Variants in KCNIP1 observed in about 807,000 individuals in gnomAD.
KCNIP1 encodes potassium voltage-gated channel interacting protein 1.
KCNIP1 carries 18 observed loss-of-function variants against 33.0 expected under a neutral mutation model. The observed-to-expected ratio is 0.55, with a 90% confidence interval of 0.38 to 0.81. KCNIP1 has a LOEUF of 0.81. Among genes scored for constraint, KCNIP1 ranks in the 30% least tolerant of loss-of-function variants. The pLI, the probability that KCNIP1 is intolerant of heterozygous loss-of-function variation, is 0.00. For synonymous variants in KCNIP1, 93 were observed against 98.3 expected, an observed-to-expected ratio of 0.95 and a Z score of 0.32; for missense variants, 238 against 271.6, an observed-to-expected ratio of 0.88 and a Z score of 0.87.
intron 1 of KCNIP1, among the ~76,000 whole-genome samples, chr5:170,593,897 G>A (rs1056754474): frequency 1.3e-5 from 2 of 152,176 alleles, no homozygotes; most frequent in African/African-American, 4.8e-5. Context: ...TGCCTGAGGT[G>A]GTGGGAAGAA....
intron 1 of KCNIP1, among the ~76,000 whole-genome samples, chr5:170,684,816 G>T (rs965470926): frequency 5.3e-5 from 8 of 151,940 alleles, no homozygotes; most frequent in Admixed American, 1.3e-4. Context: ...CTTCATATTT[G>T]GTTGGCTATT....
chr5:170,669,765 C>A, intron 1 of KCNIP1: 2 of 531,038 alleles, frequency 3.8e-6, no homozygotes, highest in Non-Finnish European at 4.8e-6. Context: ...AAAGAGCACA[C>A]ATTTTGAGAA....
intron 1 of KCNIP1, among the ~76,000 whole-genome samples, chr5:170,654,374 A>G (rs930285786): frequency 7.9e-5 from 12 of 152,196 alleles, no homozygotes; most frequent in African/African-American, 2.4e-4. Flanking sequence ...CATTCTAGTC[A>G]TGTCCACAAA....
At chr5:170,559,033 G>C (rs1444705261) in intron 1 of KCNIP1, among the ~76,000 whole-genome samples, 2 of 152,144 alleles carry the variant, frequency 1.3e-5, no homozygotes, top group Non-Finnish European at 2.9e-5. Context: ...GTATTTCTTA[G>C]TCAGTTCTAC....
At chr5:170,485,129 G>A (rs1385183590) in intron 1 of KCNIP1, among the ~76,000 whole-genome samples, 3 of 151,904 alleles carry the variant, frequency 2.0e-5, no homozygotes, top group Admixed American at 6.6e-5. Flanking sequence ...TAGTAGAGAC[G>A]GGATTTCTCC....
chr5:170,631,966 C>T (rs1188823623), intron 1 of KCNIP1, among the ~76,000 whole-genome samples: 1 of 152,326 alleles, frequency 6.6e-6, no homozygotes, highest in Non-Finnish European at 1.5e-5. Flanking sequence ...AGGGGTGGAC[C>T]TCCCCTTCCC....
chr5:170,523,214 C>T (rs1202064470), intron 1 of KCNIP1, among the ~76,000 whole-genome samples: 1 of 152,188 alleles, frequency 6.6e-6, no homozygotes, highest in Non-Finnish European at 1.5e-5. Flanking sequence ...GACAGGTGCC[C>T]AAGGTAGAGT....
At chr5:170,467,204 T>C (rs1248925838) in intron 1 of KCNIP1, among the ~76,000 whole-genome samples, 1 of 152,010 alleles carries the variant, frequency 6.6e-6, no homozygotes, top group Non-Finnish European at 1.5e-5. Flanking sequence ...GAGTCAGAGG[T>C]AGACAGGAAA....
intron 1 of KCNIP1, among the ~76,000 whole-genome samples, chr5:170,443,517 T>G (rs1276869994): frequency 1.3e-5 from 2 of 152,188 alleles, no homozygotes; most frequent in African/African-American, 2.4e-5. Context: ...ACAGGTAGAA[T>G]GATTATTTCT....
At chr5:170,721,749 T>G (rs1763831753) in intron 3 of KCNIP1, 84 bp from the exon 4 acceptor site, 2 of 1,614,022 alleles carry the variant, frequency 1.2e-6, no homozygotes, top group Non-Finnish European at 1.7e-6. Context: ...CCTCTCTTTC[T>G]TGTCGAAGCC....
chr5:170,431,200 G>A (rs1043620592), intron 1 of KCNIP1, among the ~76,000 whole-genome samples: 2 of 152,254 alleles, frequency 1.3e-5, no homozygotes, highest in African/African-American at 4.8e-5. Flanking sequence ...AAGCTAGGCT[G>A]GCGGAGGAGC....
chr5:170,501,959 C>A (rs1034679101), upstream of KCNIP1, among the ~76,000 whole-genome samples: 2 of 152,330 alleles, frequency 1.3e-5, no homozygotes, highest in South Asian at 4.1e-4. Context: ...AAGCCCTGAG[C>A]TGGCAGTTAG....
intron 1 of KCNIP1, among the ~76,000 whole-genome samples, chr5:170,434,130 A>G (rs1755806141): frequency 6.6e-6 from 1 of 152,196 alleles, no homozygotes; most frequent in African/African-American, 2.4e-5. Flanking sequence ...TCGGGCCCCA[A>G]ACTATCTGTG....
chr5:170,456,999 C>A (rs996673862), intron 1 of KCNIP1, among the ~76,000 whole-genome samples: 2 of 152,024 alleles, frequency 1.3e-5, no homozygotes, highest in African/African-American at 4.8e-5. Flanking sequence ...AGCCACCACA[C>A]CCAGCTGGTT....
intron 1 of KCNIP1, among the ~76,000 whole-genome samples, chr5:170,417,959 C>T (rs1255990260): frequency 6.6e-6 from 1 of 152,178 alleles, no homozygotes; most frequent in Non-Finnish European, 1.5e-5. Context: ...TCCTGATGCC[C>T]ACCACAGGAG....
chr5:170,506,407 A>T (rs1461277354), intron 1 of KCNIP1, among the ~76,000 whole-genome samples: 2 of 152,192 alleles, frequency 1.3e-5, no homozygotes, highest in African/African-American at 2.4e-5. Context: ...GCCACCAGGG[A>T]CCCAGAGGAA....
chr5:170,452,353 C>T (rs947197996), intron 1 of KCNIP1, among the ~76,000 whole-genome samples: 3 of 152,274 alleles, frequency 2.0e-5, no homozygotes, highest in East Asian at 1.9e-4. Context: ...AACCGGAAAG[C>T]GCCTAGTGTG....
At chr5:170,620,319 C>T (rs757021865) in intron 1 of KCNIP1, among the ~76,000 whole-genome samples, 1 of 152,214 alleles carries the variant, frequency 6.6e-6, no homozygotes, top group Non-Finnish European at 1.5e-5. Flanking sequence ...AGCTTAATTC[C>T]ATTGGTTCTC....
intron 1 of KCNIP1, among the ~76,000 whole-genome samples, chr5:170,640,987 T>TA (rs1760524182): frequency 6.6e-6 from 1 of 152,120 alleles, no homozygotes; most frequent in African/African-American, 2.4e-5. Context: ...TGCAGAGGGC[T>TA]AAAAAATCCA....
Sources: gnomAD v4.1 joint callset for allele counts (sites outside exome capture counted in the v4.1 genomes callset) on GRCh38, gnomAD v4.1.1 for gene constraint, MANE v1.5 for transcripts, NCBI Gene and HGNC (gene_info 2026-07-23, HGNC 2026-07-21) for gene names.